MRPS28: variants seen among roughly 807,000 people sequenced by gnomAD.
MRPS28 encodes small ribosomal subunit protein bS1m.
MRPS28 carries 7 observed loss-of-function variants against 10.8 expected under a neutral mutation model. The ratio of observed to expected loss-of-function variants is 0.65; its 90% confidence interval spans 0.37 to 1.22. The LOEUF is 1.22. Ranked by LOEUF, MRPS28 falls within the 50% of genes most tolerant of loss-of-function variation. MRPS28 has a pLI of 0.02. For synonymous variants in MRPS28, 121 were observed against 93.3 expected (o/e 1.30, Z -1.71); for missense variants, 265 against 232.9 (o/e 1.14, Z -0.90).
chr8:80,023,498 C>A (rs546498310), intron 1 of MRPS28, among the ~76,000 whole-genome samples: 8 of 150,920 alleles, frequency 5.3e-5, no homozygotes, highest in Non-Finnish European at 8.8e-5. Context: ...CTGGAATATT[C>A]GAATATTTTG....
chr8:79,919,905 G>C (rs551266433), intron 2 of MRPS28, among the ~76,000 whole-genome samples: 1 of 150,960 alleles, frequency 6.6e-6, no homozygotes, highest in Non-Finnish European at 1.5e-5. Context: ...CCATTAACTC[G>C]TCATTTACGT....
intron 2 of MRPS28, among the ~76,000 whole-genome samples, chr8:79,927,984 A>G (rs1318428136): frequency 6.6e-6 from 1 of 152,124 alleles, no homozygotes; most frequent in Non-Finnish European, 1.5e-5. Context: ...GGTGGAGCAC[A>G]AAGACTACTA....
chr8:79,920,268 T>C (rs1410149314), intron 2 of MRPS28, among the ~76,000 whole-genome samples: 1 of 152,182 alleles, frequency 6.6e-6, no homozygotes, highest in Non-Finnish European at 1.5e-5. Flanking sequence ...CATGTGTCTT[T>C]ATAGCAGCAT....
intron 2 of MRPS28, among the ~76,000 whole-genome samples, chr8:79,949,413 C>CAAA (rs58390672): frequency 6.2e-5 from 6 of 96,972 alleles, no homozygotes; most frequent in African/African-American, 1.8e-4. Context: ...GACTCCGTCT[C>CAAA]AAAAAAAAAA....
intron 2 of MRPS28, among the ~76,000 whole-genome samples, chr8:79,949,168 C>T (rs1807011144): frequency 2.0e-5 from 3 of 152,144 alleles, no homozygotes; most frequent in South Asian, 4.1e-4. Context: ...GTAATCCCAA[C>T]ACTTTGGGAG....
chr8:79,995,552 G>A (rs1355302393), intron 2 of MRPS28, among the ~76,000 whole-genome samples: 2 of 152,098 alleles, frequency 1.3e-5, no homozygotes, highest in Non-Finnish European at 2.9e-5. Flanking sequence ...ACCTTGATTG[G>A]TTCAACAAAC....
At chr8:79,929,556 G>T (rs890887133) in intron 2 of MRPS28, among the ~76,000 whole-genome samples, 12 of 152,048 alleles carry the variant, frequency 7.9e-5, no homozygotes, top group African/African-American at 2.7e-4. Flanking sequence ...ATTTGCAAGG[G>T]TTTAATATTA....
At chr8:79,958,166 C>T (rs953718173) in intron 2 of MRPS28, 2 of 492,904 alleles carry the variant, frequency 4.1e-6, no homozygotes, top group East Asian at 3.4e-5. Flanking sequence ...ATCTCTCCCC[C>T]TCCCCTATTC....
At chr8:80,025,015 A>C (rs1216635714) in intron 1 of MRPS28, among the ~76,000 whole-genome samples, 1 of 152,248 alleles carries the variant, frequency 6.6e-6, no homozygotes, top group Non-Finnish European at 1.5e-5. Context: ...GGTAAAAGGT[A>C]AAGAAATAAT....
chr8:80,000,290 G>GT (rs1463887092), intron 2 of MRPS28, among the ~76,000 whole-genome samples: 1 of 152,164 alleles, frequency 6.6e-6, no homozygotes, highest in Non-Finnish European at 1.5e-5. Flanking sequence ...GGTATTTCTG[G>GT]TAAGAGTAAC....
At chr8:79,985,704 C>A in intron 2 of MRPS28, among the ~76,000 whole-genome samples, 1 of 152,168 alleles carries the variant, frequency 6.6e-6, no homozygotes, top group East Asian at 1.9e-4. Context: ...TCGACACATA[C>A]AACCTCCCAA....
chr8:79,941,628 T>C (rs1806774310), intron 2 of MRPS28, among the ~76,000 whole-genome samples: 1 of 152,198 alleles, frequency 6.6e-6, no homozygotes, highest in South Asian at 2.1e-4. Flanking sequence ...ATAGAGTTCT[T>C]TCAAGATTTT....
chr8:79,939,251 A>G (rs1806692450), intron 2 of MRPS28, among the ~76,000 whole-genome samples: 1 of 152,236 alleles, frequency 6.6e-6, no homozygotes, highest in Non-Finnish European at 1.5e-5. Flanking sequence ...ATTGCTTGCC[A>G]AGGAGCACAC....
chr8:79,970,877 T>A (rs1807613425), intron 2 of MRPS28, among the ~76,000 whole-genome samples: 2 of 152,254 alleles, frequency 1.3e-5, no homozygotes, highest in African/African-American at 4.8e-5. Flanking sequence ...TAGCATGTTT[T>A]ATAAAGAAAT....
At chr8:80,004,041 G>A (rs995758104) in intron 1 of MRPS28, among the ~76,000 whole-genome samples, 1 of 152,214 alleles carries the variant, frequency 6.6e-6, no homozygotes, top group Non-Finnish European at 1.5e-5. Flanking sequence ...GCCTGCCTCT[G>A]TAGACTCCAC....
intron 1 of MRPS28, among the ~76,000 whole-genome samples, chr8:80,020,868 T>C (rs187310023): frequency 1.3e-5 from 2 of 152,276 alleles, no homozygotes; most frequent in Non-Finnish European, 2.9e-5. Flanking sequence ...TCATAACCCA[T>C]AGGACAGAAG....
chr8:79,918,845 C>A lies in MRPS28; in HGVS notation c.*135G>T. ...GGTGGGAATATTGCTAAAGAAAATT[C>A]TAATAAGAGTTATCTATAATTATAG... is the stretch of plus-strand genomic sequence containing the variant. On this transcript the variant is annotated 3_prime_UTR_variant, in exon 3 of 3. Transcript: ENST00000276585. The A allele has an allele frequency of 1.6e-6, 1 of 616,992 alleles. No individual in the cohort carries two copies. Among genetic ancestry groups the A allele is most frequent in the African/African-American group, 1.9e-5 (1 of 52,412 alleles). 38.2% of individuals were successfully genotyped at this position (616,992 alleles called of 1,614,324 possible). A position where few individuals can be genotyped will look rare whatever the true frequency, so the allele number is the denominator to read the frequency against.
At chr8:80,023,064 A>C (rs1158895748) in intron 1 of MRPS28, among the ~76,000 whole-genome samples, 1 of 152,240 alleles carries the variant, frequency 6.6e-6, no homozygotes, top group Non-Finnish European at 1.5e-5. Context: ...GTACTTCTTC[A>C]CTATTTCATT....
intron 2 of MRPS28, among the ~76,000 whole-genome samples, chr8:79,986,515 T>C (rs1166669251): frequency 6.6e-6 from 1 of 152,156 alleles, no homozygotes; most frequent in African/African-American, 2.4e-5. Flanking sequence ...TGATTGTATA[T>C]CTAGAAAACC....
Sources: allele counts gnomAD v4.1 joint callset (sites outside exome capture counted in the v4.1 genomes callset), GRCh38; gene constraint gnomAD v4.1.1; transcripts MANE v1.5; gene names NCBI Gene and HGNC (gene_info 2026-07-23, HGNC 2026-07-21).